Variants in SMG1 observed in about 807,000 individuals in gnomAD.
SMG1 encodes the protein serine/threonine-protein kinase SMG1.
In SMG1, 22 loss-of-function variants were observed where a neutral mutation model predicts 419.9. The ratio of observed to expected loss-of-function variants is 0.05; its 90% CI spans 0.04 to 0.07. The LOEUF is 0.07. Among genes scored for constraint, SMG1 ranks in the 10% least tolerant of loss-of-function variants. SMG1 has a pLI of 1.00. For synonymous variants in SMG1, 1,538 were observed against 1,553.5 expected (o/e 0.99, Z 0.23); for missense variants, 3,185 against 4,342.0 (o/e 0.73, Z 7.49).
chr16:18,876,886 T>A (rs1486364939), intron 12 of SMG1, among the ~76,000 whole-genome samples: 1 of 151,928 alleles, frequency 6.6e-6, no homozygotes, highest in Non-Finnish European at 1.5e-5. Context: ...TTATAATAAA[T>A]TTATAATAAA....
chr16:18,813,370 T>C (rs1262931977), intron 60 of SMG1, among the ~76,000 whole-genome samples: 2 of 151,898 alleles, frequency 1.3e-5, no homozygotes, highest in Non-Finnish European at 2.9e-5. Flanking sequence ...TTCTAACTGG[T>C]GTGAGATGGT....
Position 18,806,639 on chromosome 16 carries a change from C to CG in SMG1, c.*2929_*2930insC, listed in dbSNP as rs1555481859. ...CTAGTAAATTAAAGACAGCAAAAAA[C>CG]TTAAGATTGAACTTCAATTTCCAAG... On this transcript the variant is annotated 3_prime_UTR_variant, in exon 63 of 63. Transcript: ENST00000446231. 1.3e-5 allele frequency: 2 copies of CG among 152,082 alleles called. No individual in the cohort carries two copies. Among genetic ancestry groups the CG allele is most frequent in the African/African-American group, 2.4e-5 (1 of 41,424 alleles). 9.4% of individuals were successfully genotyped at this position (152,082 alleles called of 1,614,324 possible). A position where few individuals can be genotyped will look rare whatever the true frequency, so the allele number is the denominator to read the frequency against.
chr16:18,897,830 A>G (rs1337388153), intron 1 of SMG1, among the ~76,000 whole-genome samples: 4 of 152,056 alleles, frequency 2.6e-5, no homozygotes, highest in Non-Finnish European at 4.4e-5. Context: ...AAAATAATCT[A>G]TTATAGCATA....
At chr16:18,850,539 T>C (rs975324895) in intron 33 of SMG1, 72 bp from the exon 34 acceptor site, 4 of 1,068,374 alleles carry the variant, frequency 3.7e-6, no homozygotes, top group East Asian at 5.0e-5. Flanking sequence ...GTAATTTGAC[T>C]ATCATAAAAA....
chr16:18,847,259 G>T (rs956082669), intron 38 of SMG1, among the ~76,000 whole-genome samples, 194 bp downstream of exon 38: 1 of 152,156 alleles, frequency 6.6e-6, no homozygotes, highest in Non-Finnish European at 1.5e-5. Flanking sequence ...TTTTTAATGA[G>T]TACAGAGCTT....
intron 1 of SMG1, chr16:18,925,089 CATTT>C (rs1326502432): frequency 2.6e-5 from 4 of 152,148 alleles, no homozygotes; most frequent in Non-Finnish European, 5.9e-5. Context: ...TGAATACAAG[CATTT>C]ATTAAGAGAG....
At chr16:18,910,804 GGC>G (rs1315074913) in intron 1 of SMG1, among the ~76,000 whole-genome samples, 1 of 151,836 alleles carries the variant, frequency 6.6e-6, no homozygotes, top group Non-Finnish European at 1.5e-5. Context: ...CAATGTTTCT[GGC>G]ATCCTCCCTC....
chr16:18,838,910 T>C (rs1451345165), intron 42 of SMG1, among the ~76,000 whole-genome samples: 1 of 152,226 alleles, frequency 6.6e-6, no homozygotes, highest in East Asian at 1.9e-4. Flanking sequence ...ATCAGGATGC[T>C]GGATTAAAAA....
rs920902119 is a variant in SMG1, at chr16:18,806,391, G to A, written c.*3178C>T. 3 of 152,608 alleles carry A rather than the reference G, an allele frequency of 2.0e-5. No homozygotes were observed. The highest frequency in any genetic ancestry group is 7.2e-5 in the African/African-American group (3 of 41,452). 9.5% of individuals were successfully genotyped at this position (152,608 alleles called of 1,614,324 possible). On this transcript the variant is annotated 3_prime_UTR_variant, in exon 63 of 63. Coordinates refer to ENST00000446231, the MANE Select transcript of SMG1 (RefSeq NM_015092.5). ...AGTAATTTAGGGAAGCAGATCAAGA[G>A]CCTGATTATCAGTTCTCACATGGAA... is the stretch of plus-strand genomic sequence containing the variant.
chr16:18,830,214 T>A lies in SMG1; in HGVS notation c.8943+5A>T. On this transcript the variant is annotated splice_donor_5th_base_variant and intron_variant, in intron 52 of 62. Transcript: ENST00000446231. ...CATTATTTTTAAATCCAAGTCCACA[T>A]TTACCTTTTCAACTAATAAGCTGAA... The A allele has an allele frequency of 6.2e-7, 1 of 1,613,684 alleles. No homozygotes were observed. Among genetic ancestry groups the A allele is most frequent in the East Asian group, 2.2e-5 (1 of 44,884 alleles).
chr16:18,829,460 T>C lies in SMG1; in HGVS notation c.9429A>G (p.Glu3143=). The change falls in exon 54 of 63, where the codon GAA becomes GAG. Residue 3143 remains glutamate, a synonymous_variant. Coordinates refer to ENST00000446231, the MANE Select transcript of SMG1 (RefSeq NM_015092.5). ...SVDDLCKKAV[E]HNIQIGKFSQ... ...AGAACTTCCCTATCTGGATGTTATG[T>C]TCCACCGCTTTCTTACAGAGATCAT... 2 of 1,614,056 alleles carry C rather than the reference T, an allele frequency of 1.2e-6. No individual in the cohort carries two copies. Among genetic ancestry groups the C allele is most frequent in the Non-Finnish European group, 1.7e-6 (2 of 1,179,894 alleles).
chr16:18,903,934 CTTTTT>C (rs71141091), intron 1 of SMG1, among the ~76,000 whole-genome samples: 1 of 99,852 alleles, frequency 1.0e-5, no homozygotes, highest in African/African-American at 4.1e-5. Flanking sequence ...TATGTCTTGT[CTTTTT>C]TTTTTTTTTT....
At chr16:18,883,176 T>C (rs547955377) in intron 9 of SMG1, among the ~76,000 whole-genome samples, 29 of 152,200 alleles carry the variant, frequency 1.9e-4, no homozygotes, top group African/African-American at 3.1e-4. Context: ...GGAGCCTTGA[T>C]TGGTTGATCT....
intron 39 of SMG1, among the ~76,000 whole-genome samples, chr16:18,843,003 G>A (rs1312101786): frequency 1.3e-5 from 2 of 152,172 alleles, no homozygotes; most frequent in Admixed American, 6.6e-5. Context: ...CAAACATGCA[G>A]TGAAATCACA....
chr16:18,872,945 G>A (rs2035904763), intron 13 of SMG1, among the ~76,000 whole-genome samples: 2 of 152,052 alleles, frequency 1.3e-5, no homozygotes. Context: ...CTTGAGCCCA[G>A]GAGTTTGAAA....
intron 1 of SMG1, among the ~76,000 whole-genome samples, chr16:18,922,740 A>G (rs1390964913): frequency 6.6e-6 from 1 of 152,008 alleles, no homozygotes; most frequent in Non-Finnish European, 1.5e-5. Context: ...TCAGCCTCCC[A>G]AAGTGCTGGG....
At position 18,815,280 on chromosome 16, in the gene SMG1, T is replaced by A. The variant is rs772830463; in HGVS notation, c.10516A>T (p.Ile3506Phe). ...GCAAAACTCACTAAATTATTATAGA[T>A]ACTGAAATACAAAATAAAATGGCTT... ...LKELKTQSQSIYNNLVSFASP... is the reference protein window; with the variant it reads ...LKELKTQSQSFYNNLVSFASP... The change falls in exon 60 of 63, where the codon ATC becomes TTC. Residue 3506 changes from isoleucine (I) to phenylalanine (F), a missense_variant and splice_region_variant. Transcript: ENST00000446231. The A allele has an allele frequency of 5.1e-6, 8 of 1,567,816 alleles. No individual in the cohort carries two copies. The highest frequency in any genetic ancestry group is 8.7e-7 in the Non-Finnish European group (1 of 1,153,812).
chr16:18,907,478 C>T (rs539539435), intron 1 of SMG1, among the ~76,000 whole-genome samples: 1 of 152,046 alleles, frequency 6.6e-6, no homozygotes, highest in Non-Finnish European at 1.5e-5. Flanking sequence ...GTTTTAGCCT[C>T]CCCAGTAGCT....
At chr16:18,892,566 T>C (rs887880278) in intron 3 of SMG1, among the ~76,000 whole-genome samples, 19 of 151,850 alleles carry the variant, frequency 1.3e-4, no homozygotes, top group Non-Finnish European at 2.6e-4. Flanking sequence ...TCCACAGACA[T>C]ACAAAAAATT....
Sources: gnomAD v4.1 joint callset for allele counts (sites outside exome capture counted in the v4.1 genomes callset) on GRCh38, gnomAD v4.1.1 for gene constraint, MANE v1.5 for transcripts, NCBI Gene and HGNC (gene_info 2026-07-23, HGNC 2026-07-21) for gene names.